The following SLC23A2 variants were observed in gnomAD, a reference collection of about 807,000 sequenced individuals.
SLC23A2 encodes solute carrier family 23 member 2.
A neutral mutation model predicts 73.3 loss-of-function variants in SLC23A2; 36 were observed. That is an observed-to-expected ratio of 0.49 (90% CI 0.38 to 0.65). SLC23A2 has a LOEUF of 0.65. SLC23A2 is among the 30% of genes least tolerant of loss of function. The pLI is 0.00. For synonymous variants in SLC23A2, 343 were observed against 327.3 expected (o/e 1.05, Z -0.52); for missense variants, 507 against 841.6 (o/e 0.60, Z 4.92).
Position 4,899,717 on chromosome 20 carries a change from G to C in SLC23A2, c.325-5C>G, listed in dbSNP as rs777636914. 5 of 1,613,784 alleles carry C rather than the reference G, an allele frequency of 3.1e-6. No homozygotes were observed. In the Admixed American group the frequency reaches 8.3e-5, roughly 27 times the overall value. The stretch of plus-strand genomic sequence containing the variant: ...GCTGAAGCATGTCAGGTAGTGCTGT[G>C]GGCAGGAAAAGGGTCAGAGGAGAAA... On this transcript the variant is annotated splice_polypyrimidine_tract_variant and splice_region_variant and intron_variant, in intron 5 of 16. Coordinates refer to ENST00000338244, the MANE Select transcript of SLC23A2 (RefSeq NM_005116.6). The surrounding 1 kb of genome is among the most constrained non-coding windows in gnomAD (Gnocchi z 4.9).
chr20:4,922,356 C>T (rs1932524134), intron 3 of SLC23A2, among the ~76,000 whole-genome samples: 1 of 152,174 alleles, frequency 6.6e-6, no homozygotes, highest in African/African-American at 2.4e-5. Context: ...TGCTGACCCA[C>T]AGAAAGCGGA....
chr20:4,960,751 G>C (rs970074930), intron 2 of SLC23A2, among the ~76,000 whole-genome samples: 1 of 152,188 alleles, frequency 6.6e-6, no homozygotes, highest in African/African-American at 2.4e-5. Flanking sequence ...AGGGAGATGA[G>C]GCTAGCAGAG....
intron 2 of SLC23A2, among the ~76,000 whole-genome samples, chr20:4,950,218 T>C (rs2087178627): frequency 6.6e-6 from 1 of 152,168 alleles, no homozygotes; most frequent in Non-Finnish European, 1.5e-5. Flanking sequence ...AGAAGGAAAA[T>C]TAAAACCTAT....
In SLC23A2 at chr20:4,935,656, G is replaced by A. The variant is rs181367996; in HGVS notation, c.-154-2940C>T. 2.3e-3 allele frequency among the ~76,000 whole-genome samples: 353 copies of A among 152,064 alleles called. 1 individual carries two copies. The highest frequency in any genetic ancestry group is 7.5e-3 in the African/African-American group (310 of 41,498). Reference sequence around the variant, plus strand: ...AACTAAAAATACAAAAAAATTAGCCGGGCGTGGTGGCGGGCGCCTGTAGTC... The same window carrying A: ...AACTAAAAATACAAAAAAATTAGCCAGGCGTGGTGGCGGGCGCCTGTAGTC... On this transcript the variant is annotated intron_variant, in intron 2 of 16. Transcript: ENST00000338244.
chr20:4,911,155 G>A (rs778102069), intron 4 of SLC23A2, among the ~76,000 whole-genome samples: 11 of 152,178 alleles, frequency 7.2e-5, no homozygotes, highest in African/African-American at 1.2e-4. Flanking sequence ...GCTGCGGCCC[G>A]GCAGTGTGGG....
At position 4,947,543 on chromosome 20, in the gene SLC23A2, G is replaced by T. The variant is rs1462356111; in HGVS notation, c.-154-14827C>A. 6.6e-6 allele frequency among the ~76,000 whole-genome samples: 1 copy of T among 152,120 alleles called. No individual in the cohort carries two copies. Among genetic ancestry groups the T allele is most frequent in the African/African-American group, 2.4e-5 (1 of 41,442 alleles). ...AATTTTAACAACAAGATAAAAACAT[G>T]TGCATAATGAACTATCAAGTCCCAG... On this transcript the variant is annotated intron_variant, in intron 2 of 16. Coordinates refer to ENST00000338244, the MANE Select transcript of SLC23A2 (RefSeq NM_005116.6). This position sits in a 1 kb window ranked among gnomAD's most constrained non-coding sequence, Gnocchi z 4.4.
At chr20:4,859,237 C>T in intron 16 of SLC23A2, 52 bp downstream of exon 16, 3 of 1,039,064 alleles carry the variant, frequency 2.9e-6, no homozygotes, top group South Asian at 2.7e-5. Context: ...AAAAGTAACA[C>T]ATATGTTAAA....
chr20:4,959,520 C>T (rs2087346376), intron 2 of SLC23A2, among the ~76,000 whole-genome samples: 1 of 152,036 alleles, frequency 6.6e-6, no homozygotes, highest in Non-Finnish European at 1.5e-5. Flanking sequence ...TATTTTGAGA[C>T]AAGGTCTCAC....
At chr20:4,944,531 C>T (rs953266880) in intron 2 of SLC23A2, among the ~76,000 whole-genome samples, 1 of 152,250 alleles carries the variant, frequency 6.6e-6, no homozygotes, top group Non-Finnish European at 1.5e-5. Context: ...GCCACCGCAC[C>T]CGGCCAGGAA....
intron 4 of SLC23A2, among the ~76,000 whole-genome samples, chr20:4,910,699 G>A (rs1161329290): frequency 6.6e-6 from 1 of 152,118 alleles, no homozygotes. Context: ...GCCTCCCAAA[G>A]TGCTGTGATT....
Position 4,862,917 on chromosome 20 carries a change from A to C in SLC23A2, c.1357-10T>G. ...CGCGGCGGCTGCCGACCTGCAGAAC[A>C]CACAGGAGACTGGGAAACAGGGACT... On this transcript the variant is annotated splice_polypyrimidine_tract_variant and intron_variant, in intron 13 of 16. Transcript: ENST00000338244. The surrounding 1 kb of genome is among the most constrained non-coding windows in gnomAD (Gnocchi z 5.1). 1 of 1,601,850 alleles carries C rather than the reference A, an allele frequency of 6.2e-7. No homozygotes were observed. Among genetic ancestry groups the C allele is most frequent in the East Asian group, 2.2e-5 (1 of 44,566 alleles).
chr20:4,906,343 C>A (rs899782173), intron 4 of SLC23A2, among the ~76,000 whole-genome samples: 2 of 150,980 alleles, frequency 1.3e-5, no homozygotes, highest in African/African-American at 4.9e-5. Context: ...TCAAAAAAAA[C>A]AGAACAGGCT....
chr20:4,972,572 TGGGG>T, intron 1 of SLC23A2, among the ~76,000 whole-genome samples: 1 of 147,312 alleles, frequency 6.8e-6, no homozygotes, highest in East Asian at 2.0e-4. Context: ...GGGGGTTTTT[TGGGG>T]TTTTTTTGTT....
chr20:4,890,057 G>A (rs1386235913), intron 6 of SLC23A2, among the ~76,000 whole-genome samples: 1 of 151,892 alleles, frequency 6.6e-6, no homozygotes, highest in Non-Finnish European at 1.5e-5. Context: ...GGTTCCTATG[G>A]GAAACACCAT....
At chr20:4,904,285 G>C (rs1181294724) in intron 4 of SLC23A2, among the ~76,000 whole-genome samples, 2 of 152,212 alleles carry the variant, frequency 1.3e-5, no homozygotes, top group Non-Finnish European at 2.9e-5. Flanking sequence ...GCTTGGATGA[G>C]CTTCCCTGGC....
chr20:4,941,695 C>G (rs1356280943), intron 2 of SLC23A2, among the ~76,000 whole-genome samples: 1 of 148,962 alleles, frequency 6.7e-6, no homozygotes, highest in Non-Finnish European at 1.5e-5. Context: ...GGGTGAGACT[C>G]TGTCTCGAGG....
intron 8 of SLC23A2, among the ~76,000 whole-genome samples, chr20:4,884,144 AG>A (rs975056772): frequency 1.3e-5 from 2 of 152,220 alleles, no homozygotes; most frequent in Admixed American, 1.3e-4. Flanking sequence ...CCAGCCTTAG[AG>A]GAACACTGCA....
rs1369048737 is a variant in SLC23A2, at chr20:4,857,628, T to C, written c.1721-424A>G. On this transcript the variant is annotated intron_variant, in intron 16 of 16. Transcript: ENST00000338244. The surrounding 1 kb of genome is among the most constrained non-coding windows in gnomAD (Gnocchi z 4.0). ...GGCTCATCACCTCCTGCCCCAGGTCTGCTCAAAAACTACCTCTCTAGGCCA... is the reference window on the plus strand; with the variant it reads ...GGCTCATCACCTCCTGCCCCAGGTCCGCTCAAAAACTACCTCTCTAGGCCA... 6.6e-6 allele frequency among the ~76,000 whole-genome samples: 1 copy of C among 152,112 alleles called. No individual in the cohort carries two copies. The highest frequency in any genetic ancestry group is 1.5e-5 in the Non-Finnish European group (1 of 68,020).
Position 4,935,747 on chromosome 20 carries a change from C to T in SLC23A2, c.-154-3031G>A, listed in dbSNP as rs111888322. 6.4e-4 allele frequency among the ~76,000 whole-genome samples: 97 copies of T among 151,682 alleles called. No homozygotes were observed. In the East Asian group the frequency reaches 9.7e-3, roughly 15 times the overall value. ...CTGGGAGGTGGAGCTTGCAGTGAGC[C>T]GAGATCATACCACTGCACTCCAGCC... On this transcript the variant is annotated intron_variant, in intron 2 of 16. Coordinates refer to ENST00000338244, the MANE Select transcript of SLC23A2 (RefSeq NM_005116.6).
Sources: gnomAD v4.1 joint callset for allele counts (sites outside exome capture counted in the v4.1 genomes callset) on GRCh38, gnomAD v4.1.1 for gene constraint, Gnocchi (gnomAD v3.1) non-coding constraint, MANE v1.5 for transcripts, NCBI Gene and HGNC (gene_info 2026-07-23, HGNC 2026-07-21) for gene names.